Variants in RIPOR1 observed in about 807,000 individuals in gnomAD.
RIPOR1 encodes rho family-interacting cell polarization regulator 1.
RIPOR1 carries 58 observed loss-of-function variants against 116.5 expected under a neutral mutation model. The observed-to-expected ratio is 0.50, with a 90% CI of 0.40 to 0.62. The LOEUF is 0.62. Among genes scored for constraint, RIPOR1 ranks in the 20% least tolerant of loss-of-function variants. The probability of loss-of-function intolerance (pLI) is 0.00; values close to 1 mark genes in which losing one functional copy is unlikely to be tolerated. For synonymous variants in RIPOR1, 605 were observed against 650.0 expected (o/e 0.93, Z 1.05); for missense variants, 1,372 against 1,586.2 (o/e 0.86, Z 2.29).
At position 67,529,682 on chromosome 16, in the gene RIPOR1, T is replaced by C. The variant is rs1039247001; in HGVS notation, c.-24+768T>C. 3 of 1,386,644 alleles carry C rather than the reference T, an allele frequency of 2.2e-6. No homozygotes were observed. In the African/African-American group the frequency reaches 4.3e-5, roughly 20 times the overall value. 85.9% of individuals were successfully genotyped at this position (1,386,644 alleles called of 1,614,324 possible). On this transcript the variant is annotated intron_variant, in intron 1 of 21. Transcript: ENST00000042381. This position sits in a 1 kb window ranked among gnomAD's most constrained non-coding sequence, Gnocchi z 4.1. Reference sequence around the variant, plus strand: ...TCCCCTACAGACCCTCCCCAGCCAGTTCTAACGTGTGTCCAGGCTGGCCGC... The same window carrying C: ...TCCCCTACAGACCCTCCCCAGCCAGCTCTAACGTGTGTCCAGGCTGGCCGC...
At chr16:67,534,374 C>T (rs993901382) in intron 1 of RIPOR1, among the ~76,000 whole-genome samples, 1 of 152,198 alleles carries the variant, frequency 6.6e-6, no homozygotes, top group Non-Finnish European at 1.5e-5. Flanking sequence ...CTGCCTCAGC[C>T]TCCCAAAGTG....
rs1251603045 is a variant in RIPOR1 at position 67,542,854 on chromosome 16, C to T, written c.2068C>T (p.Pro690Ser). The change falls in exon 13 of 22, where the codon CCC becomes TCC. Residue 690 changes from proline to serine, a missense_variant. By Grantham distance (74) the Pro-to-Ser change is moderately conservative. Around this residue, in one of 3 missense-constraint regions of RIPOR1, gnomAD observed 1,005 missense variants for 1,144.7 expected, o/e 0.88. Transcript: ENST00000042381. The surrounding 1 kb of genome is among the most constrained non-coding windows in gnomAD (Gnocchi z 4.6). Reference sequence around the variant, plus strand: ...TCTAGAACTTGCTACCCTCTCCAGCCCCTCCAAACACTCAGACCCCACCCT... The same window carrying T: ...TCTAGAACTTGCTACCCTCTCCAGCTCCTCCAAACACTCAGACCCCACCCT... ...TSLELATLSS[P>S]SKHSDPTLPG... The T allele has an allele frequency of 6.2e-7, 1 of 1,613,914 alleles. No individual in the cohort carries two copies. Among genetic ancestry groups the T allele is most frequent in the African/African-American group, 1.3e-5 (1 of 74,954 alleles).
rs1230534519 is a variant in RIPOR1 at position 67,545,581 on chromosome 16, A to G, written c.3190+47A>G. ...CATAGTGGCCTCTTGGGGTCTGAGG[A>G]CATGAGGACAAGCCCTCCCCAACCT... On this transcript the variant is annotated intron_variant, in intron 18 of 21. Transcript: ENST00000042381. The surrounding 1 kb of genome is among the most constrained non-coding windows in gnomAD (Gnocchi z 4.8). The G allele has an allele frequency of 6.2e-7, 1 of 1,604,942 alleles. No homozygotes were observed. The highest frequency in any genetic ancestry group is 1.1e-5 in the South Asian group (1 of 90,368).
chr16:67,533,149 G>A (rs556643646), intron 1 of RIPOR1, among the ~76,000 whole-genome samples: 36 of 152,278 alleles, frequency 2.4e-4, no homozygotes, highest in Non-Finnish European at 4.3e-4. Context: ...TGAACAACGG[G>A]GTACATAGAT....
chr16:67,521,140 C>A (rs142536545), intron 1 of RIPOR1, among the ~76,000 whole-genome samples: 27 of 152,314 alleles, frequency 1.8e-4, no homozygotes, highest in Admixed American at 1.4e-3. Context: ...ACAGGTTGTG[C>A]ACTGCACTCT....
chr16:67,523,832 C>G (rs1293489173), upstream of RIPOR1, among the ~76,000 whole-genome samples: 1 of 152,038 alleles, frequency 6.6e-6, no homozygotes, highest in African/African-American at 2.4e-5. Flanking sequence ...CATGCGCCAC[C>G]ATGGCGTGCT....
In RIPOR1 at chr16:67,540,364, GT is replaced by G; in HGVS notation, c.631+2del. On this transcript the variant is annotated splice_donor_variant, in intron 8 of 21. Transcript: ENST00000042381. LOFTEE classifies it high-confidence loss of function. This position sits in a 1 kb window ranked among gnomAD's most constrained non-coding sequence, Gnocchi z 4.7. ...GGCGAGTTTCATCTCCGAATGAAAGGTACTGAGTTGTGGGGGCAGGTGGGGG... is the reference window on the plus strand; with the variant it reads ...GGCGAGTTTCATCTCCGAATGAAAGGACTGAGTTGTGGGGGCAGGTGGGGG... The G allele has an allele frequency of 6.2e-7, 1 of 1,614,156 alleles. No individual in the cohort carries two copies. The highest frequency in any genetic ancestry group is 8.5e-7 in the Non-Finnish European group (1 of 1,180,022).
rs756046097 is a variant in RIPOR1, at chr16:67,542,881, C to T, written c.2095C>T (p.Pro699Ser). 2 of 1,612,974 alleles carry T rather than the reference C, an allele frequency of 1.2e-6. No homozygotes were observed. Among genetic ancestry groups the T allele is most frequent in the Non-Finnish European group, 1.7e-6 (2 of 1,179,364 alleles). Reference protein sequence around the residue: ...SPSKHSDPTLPGTDSLPCSPP... With the variant: ...SPSKHSDPTLSGTDSLPCSPP... ...CTCCAAACACTCAGACCCCACCCTC[C>T]CAGGCACTGACTCCCTTCCCTGTAG... Residue 699 changes from proline to serine, a missense_variant, in exon 13 of 22, where the codon CCA (proline) becomes TCA (serine). This residue lies in a region of RIPOR1 where 1,005 missense variants were observed against 1,144.7 expected (regional missense o/e 0.88). Transcript: ENST00000042381. This position sits in a 1 kb window ranked among gnomAD's most constrained non-coding sequence, Gnocchi z 4.6.
At position 67,542,305 on chromosome 16, in the gene RIPOR1, T is replaced by C. The variant is rs2051012455; in HGVS notation, c.1519T>C (p.Ser507Pro). The change falls in exon 13 of 22, where the codon TCT (serine) becomes CCT (proline). Residue 507 changes from serine to proline, a missense_variant. Physicochemically the swap from Ser to Pro is moderately conservative, Grantham distance 74. Around this residue, in one of 3 missense-constraint regions of RIPOR1, gnomAD observed 1,005 missense variants for 1,144.7 expected, o/e 0.88. Transcript: ENST00000042381. This position sits in a 1 kb window ranked among gnomAD's most constrained non-coding sequence, Gnocchi z 4.6. ...ALDPGHSATS[S>P]TLGTTGSVPT... is the part of the protein sequence containing the mutation. ...GGACCCTGGCCACTCTGCCACAAGC[T>C]CTACCCTCGGTACAACAGGCTCTGT... 2 of 1,613,698 alleles carry C rather than the reference T, an allele frequency of 1.2e-6. No homozygotes were observed. The highest frequency in any genetic ancestry group is 1.7e-6 in the Non-Finnish European group (2 of 1,179,938).
upstream of RIPOR1, among the ~76,000 whole-genome samples, chr16:67,526,649 T>C (rs972480410): frequency 6.6e-6 from 1 of 152,240 alleles, no homozygotes; most frequent in African/African-American, 2.4e-5. Flanking sequence ...CTGTGGTTCC[T>C]ACCCGCACAC....
In RIPOR1 at chr16:67,541,037, CA is replaced by C. The variant is rs2050965232; in HGVS notation, c.801+334del. 6.6e-6 allele frequency among the ~76,000 whole-genome samples: 1 copy of C among 151,980 alleles called. No individual in the cohort carries two copies. The highest frequency in any genetic ancestry group is 1.5e-5 in the Non-Finnish European group (1 of 67,980). On this transcript the variant is annotated intron_variant, in intron 10 of 21. Transcript: ENST00000042381. The surrounding 1 kb of genome is among the most constrained non-coding windows in gnomAD (Gnocchi z 4.6). The stretch of plus-strand genomic sequence containing the variant: ...TCCCATGCTCCCAGGCTGCTTCAAG[CA>C]TCCATGGCTCCATGAGCATGCATGT...
rs777371446 is a variant in RIPOR1, at chr16:67,538,538, A to G, written c.92A>G (p.Glu31Gly). ...TTCGCAGGCGTCCTCGGCAGCCACG[A>G]GCGGGGGCCCAGGTACGCGGCCGCG... ...QSFAGVLGSHERGPRSFPVFS... is the reference protein window; with the variant it reads ...QSFAGVLGSHGRGPRSFPVFS... The change falls in exon 2 of 22, where the codon GAG (glutamate) becomes GGG (glycine). Residue 31 changes from glutamate (E) to glycine (G), a missense_variant. Physicochemically the swap from Glu to Gly is moderately conservative, Grantham distance 98. This residue lies in a region of RIPOR1 where 165 missense variants were observed against 145.5 expected (regional missense o/e 1.13). Coordinates refer to ENST00000042381, the MANE Select transcript of RIPOR1 (RefSeq NM_024519.4). The G allele has an allele frequency of 3.1e-6, 5 of 1,612,122 alleles. No individual in the cohort carries two copies. Among genetic ancestry groups the G allele is most frequent in the South Asian group, 1.1e-5 (1 of 91,004 alleles).
intron 4 of RIPOR1, chr16:67,539,393 T>C (rs9924509): frequency 0.11 from 55,023 of 521,298 alleles, 4,655 homozygotes; most frequent in African/African-American, 0.32. Context: ...TAGGGCTTCC[T>C]GGAGGAGGGA....
intron 1 of RIPOR1, among the ~76,000 whole-genome samples, chr16:67,532,523 A>G (rs1410573931): frequency 6.6e-6 from 1 of 151,934 alleles, no homozygotes; most frequent in East Asian, 1.9e-4. Context: ...CCCACATACA[A>G]TTCTCCCTTC....
chr16:67,526,905 A>G (rs573940951), upstream of RIPOR1, among the ~76,000 whole-genome samples: 4 of 152,354 alleles, frequency 2.6e-5, no homozygotes, highest in Admixed American at 2.6e-4. Context: ...ATGCCTGGGT[A>G]GACAGTGGTG....
rs140855098 is a variant in RIPOR1, at chr16:67,544,355, G to A, written c.2657G>A (p.Arg886His). 347 of 1,613,176 alleles carry A rather than the reference G, an allele frequency of 2.2e-4. 1 individual carries two copies. The highest frequency in any genetic ancestry group is 1.5e-3 in the Middle Eastern group (9 of 6,058). ...AEDSIDSPSA[R>H]PLSTGCPALD... ...GACAGCATAGACTCACCCAGTGCCC[G>A]CCCCCTCAGCACGGGGTGTCCAGCT... The change falls in exon 15 of 22, where the codon CGC (arginine) becomes CAC (histidine). Residue 886 changes from arginine to histidine, a missense_variant. Physicochemically the swap from Arg to His is conservative, Grantham distance 29. Around this residue, in one of 3 missense-constraint regions of RIPOR1, gnomAD observed 1,005 missense variants for 1,144.7 expected, o/e 0.88. Transcript: ENST00000042381. The surrounding 1 kb of genome is among the most constrained non-coding windows in gnomAD (Gnocchi z 5.1).
rs1204849623 is a variant in RIPOR1 at position 67,542,695 on chromosome 16, C to T, written c.1909C>T (p.Pro637Ser). Reference protein sequence around the residue: ...TSPTHKTSMSPPTTTSPTPSG... With the variant: ...TSPTHKTSMSSPTTTSPTPSG... ...TCCCACCCACAAAACCAGTATGTCA[C>T]CTCCCACCACTACAAGTCCTACCCC... is the stretch of plus-strand genomic sequence containing the variant. The change falls in exon 13 of 22, where the codon CCT becomes TCT. Residue 637 changes from proline (P) to serine (S), a missense_variant. Physicochemically the swap from Pro to Ser is moderately conservative, Grantham distance 74. This residue lies in a region of RIPOR1 where 1,005 missense variants were observed against 1,144.7 expected (regional missense o/e 0.88). Coordinates refer to ENST00000042381, the MANE Select transcript of RIPOR1 (RefSeq NM_024519.4). This position sits in a 1 kb window ranked among gnomAD's most constrained non-coding sequence, Gnocchi z 4.6. 1.2e-6 allele frequency: 2 copies of T among 1,612,700 alleles called. No homozygotes were observed. Among genetic ancestry groups the T allele is most frequent in the African/African-American group, 1.3e-5 (1 of 74,454 alleles).
rs368788053 is a variant in RIPOR1 at position 67,540,902 on chromosome 16, CCT to C, written c.801+199_801+200del. 9.3e-4 allele frequency among the ~76,000 whole-genome samples: 142 copies of C among 152,222 alleles called. 1 individual carries two copies. The highest frequency in any genetic ancestry group is 3.0e-3 in the African/African-American group (123 of 41,524). On this transcript the variant is annotated intron_variant, in intron 10 of 21. Coordinates refer to ENST00000042381, the MANE Select transcript of RIPOR1 (RefSeq NM_024519.4). The surrounding 1 kb of genome is among the most constrained non-coding windows in gnomAD (Gnocchi z 4.7). Reference sequence around the variant, plus strand: ...TCTTAGGACATCATGGCTTCCTGACCCTGTGACCTCCTCATGATCTTCTGACC... The same window carrying C: ...TCTTAGGACATCATGGCTTCCTGACCGTGACCTCCTCATGATCTTCTGACC...
upstream of RIPOR1, among the ~76,000 whole-genome samples, chr16:67,526,097 G>A (rs1432659451): frequency 6.6e-6 from 1 of 152,204 alleles, no homozygotes; most frequent in Non-Finnish European, 1.5e-5. Context: ...AATCACTGCA[G>A]CGCCATCTGT....
Sources: gnomAD v4.1 joint callset for allele counts (sites outside exome capture counted in the v4.1 genomes callset) on GRCh38, gnomAD v4.1.1 for gene constraint, gnomAD v4.1.1 regional missense constraint, Gnocchi (gnomAD v3.1) non-coding constraint, MANE v1.5 for transcripts, NCBI Gene and HGNC (gene_info 2026-07-23, HGNC 2026-07-21) for gene names.